ESRRG: variants seen among roughly 807,000 people sequenced by gnomAD.
ESRRG encodes the protein estrogen-related receptor gamma.
In ESRRG, 13 loss-of-function variants were observed where a neutral mutation model predicts 44.0. The observed-to-expected ratio is 0.30, with a 90% CI of 0.19 to 0.47. The LOEUF (loss-of-function observed/expected upper bound fraction) is 0.47. Among genes scored for constraint, ESRRG ranks in the 20% least tolerant of loss-of-function variants. The probability of loss-of-function intolerance (pLI) is 1.00; values close to 1 mark genes in which losing one functional copy is unlikely to be tolerated. For missense variants in ESRRG, 395 were observed against 580.6 expected (o/e 0.68, Z 3.29); for synonymous variants, 215 against 214.6 (o/e 1.00, Z -0.02).
chr1:216,978,516 G>A (rs1005534140), intron 1 of ESRRG, among the ~76,000 whole-genome samples: 11 of 152,120 alleles, frequency 7.2e-5, no homozygotes, highest in Non-Finnish European at 1.5e-4. Flanking sequence ...CACCCTACCA[G>A]AATCAACAAG....
chr1:216,740,628 A>G (rs2090550625), intron 2 of ESRRG, among the ~76,000 whole-genome samples: 3 of 151,056 alleles, frequency 2.0e-5, no homozygotes, highest in South Asian at 2.1e-4. Context: ...CGTGCTTAAC[A>G]TTAAAAAAAA....
intron 1 of ESRRG, among the ~76,000 whole-genome samples, chr1:216,990,746 T>A (rs757003992): frequency 1.3e-5 from 2 of 152,244 alleles, no homozygotes; most frequent in Admixed American, 1.3e-4. Context: ...GGATACAGTA[T>A]ATAACACATA....
At chr1:217,037,638 A>G (rs988696034) in intron 1 of ESRRG, among the ~76,000 whole-genome samples, 2 of 152,114 alleles carry the variant, frequency 1.3e-5, no homozygotes, top group African/African-American at 2.4e-5. Context: ...TCCTATCTTC[A>G]CATTTCAAAA....
chr1:216,635,026 C>T (rs1317147548), intron 3 of ESRRG, among the ~76,000 whole-genome samples: 1 of 151,994 alleles, frequency 6.6e-6, no homozygotes, highest in Non-Finnish European at 1.5e-5. Flanking sequence ...TCTCTCTCTC[C>T]ACCAAGCCTC....
chr1:216,838,674 G>C (rs1003708467), intron 2 of ESRRG, among the ~76,000 whole-genome samples: 12 of 152,090 alleles, frequency 7.9e-5, no homozygotes, highest in Admixed American at 7.9e-4. Context: ...GAGAAAATGT[G>C]GGTTTGGCTC....
chr1:217,018,510 C>T (rs548398696), intron 1 of ESRRG, among the ~76,000 whole-genome samples: 43 of 152,066 alleles, frequency 2.8e-4, no homozygotes, highest in Non-Finnish European at 5.6e-4. Flanking sequence ...GAGCTGGTTC[C>T]TGCCTCTCTT....
At chr1:217,031,604 G>C (rs1284577894) in intron 1 of ESRRG, among the ~76,000 whole-genome samples, 1 of 152,202 alleles carries the variant, frequency 6.6e-6, no homozygotes, top group South Asian at 2.1e-4. Flanking sequence ...CACATTTACA[G>C]AGACCAACAG....
intron 3 of ESRRG, among the ~76,000 whole-genome samples, chr1:216,645,238 ATT>A (rs968371367): frequency 2.6e-5 from 4 of 152,246 alleles, no homozygotes; most frequent in Non-Finnish European, 4.4e-5. Context: ...CATTAGAAGA[ATT>A]TTCAGTTAAG....
chr1:216,584,431 T>G (rs917437271), intron 3 of ESRRG, among the ~76,000 whole-genome samples: 10 of 151,964 alleles, frequency 6.6e-5, no homozygotes, highest in Non-Finnish European at 1.5e-4. Context: ...TAATTTTTTG[T>G]ATTTTTAGCA....
intron 1 of ESRRG, among the ~76,000 whole-genome samples, chr1:216,722,557 T>C (rs1480311792): frequency 6.6e-6 from 1 of 152,214 alleles, no homozygotes; most frequent in Non-Finnish European, 1.5e-5. Context: ...GAGCAGTATT[T>C]AAGGGGAAAA....
chr1:216,821,694 AAAT>A lies in ESRRG; in HGVS notation c.-14+117885_-14+117887del, dbSNP rs1446481311. On this transcript the variant is annotated intron_variant, in intron 2 of 7. Transcript: ENST00000359162. ...AACAAGAACCTGCCTCAGGAAAAATAAATAAATAAATAAATAAATAAATAAATA... is the reference window on the plus strand; with the variant it reads ...AACAAGAACCTGCCTCAGGAAAAATAAAATAAATAAATAAATAAATAAATA... Among the ~76,000 whole-genome samples the A allele has an allele frequency of 9.1e-4, 23 of 25,222 alleles. 4 individuals are homozygous for A. The highest frequency in any genetic ancestry group is 5.5e-3 in the African/African-American group (15 of 2,718). The allele number at this position is 25,222 out of a possible 152,430, so 16.5% of individuals were successfully genotyped here. A position where few individuals can be genotyped will look rare whatever the true frequency, so the allele number is the denominator to read the frequency against.
At chr1:217,077,859 T>C (rs902196229) in intron 1 of ESRRG, among the ~76,000 whole-genome samples, 1 of 152,166 alleles carries the variant, frequency 6.6e-6, no homozygotes, top group African/African-American at 2.4e-5. Context: ...AATAAAAATT[T>C]AGAAGTTTTA....
At chr1:217,039,264 C>T (rs1463583766) in intron 1 of ESRRG, among the ~76,000 whole-genome samples, 4 of 152,204 alleles carry the variant, frequency 2.6e-5, no homozygotes, top group Non-Finnish European at 5.9e-5. Context: ...TCCAAAGTCT[C>T]TTCCACATTT....
intron 1 of ESRRG, chr1:216,701,321 C>T (rs1441244461): frequency 6.6e-6 from 1 of 152,172 alleles, no homozygotes; most frequent in Non-Finnish European, 1.5e-5. Context: ...AAAACCTGCA[C>T]CCAATATCAT....
rs376189786 is a variant in ESRRG, at chr1:216,966,912, A to G, written c.-105-27239T>C. Among the ~76,000 whole-genome samples the G allele has an allele frequency of 2.6e-5, 4 of 152,158 alleles. No individual in the cohort carries two copies. In the East Asian group the frequency reaches 7.7e-4, roughly 29 times the overall value. ...GCGAAAAGGATGGAATCCCACTCTT[A>G]GTCACCTTATTTGTTTCTGGCTGGC... On this transcript the variant is annotated intron_variant, in intron 1 of 7. Transcript: ENST00000359162.
chr1:216,878,730 A>C (rs2096396440), intron 2 of ESRRG, among the ~76,000 whole-genome samples: 1 of 152,192 alleles, frequency 6.6e-6, no homozygotes, highest in Admixed American at 6.5e-5. Flanking sequence ...GCTTTTATTC[A>C]GTACTATTGG....
At chr1:216,608,308 T>C (rs1378847388) in intron 3 of ESRRG, among the ~76,000 whole-genome samples, 1 of 152,240 alleles carries the variant, frequency 6.6e-6, no homozygotes, top group East Asian at 1.9e-4. Flanking sequence ...AAACAATGCG[T>C]ATTTCATGTA....
chr1:216,976,856 A>C (rs748521414), intron 1 of ESRRG, among the ~76,000 whole-genome samples: 29 of 152,174 alleles, frequency 1.9e-4, no homozygotes, highest in Non-Finnish European at 3.1e-4. Flanking sequence ...AGGTAATTGT[A>C]TTCCATATCC....
chr1:216,765,756 CT>C (rs1166200586), intron 2 of ESRRG, among the ~76,000 whole-genome samples: 2 of 152,162 alleles, frequency 1.3e-5, no homozygotes, highest in East Asian at 1.9e-4. Flanking sequence ...CTTGGAGTTG[CT>C]TTTTTTCCTA....
Sources: gnomAD v4.1 joint callset for allele counts (sites outside exome capture counted in the v4.1 genomes callset) on GRCh38, gnomAD v4.1.1 for gene constraint, MANE v1.5 for transcripts, NCBI Gene and HGNC (gene_info 2026-07-23, HGNC 2026-07-21) for gene names.